The following GPC6 variants were observed in gnomAD, a reference collection of about 807,000 sequenced individuals.
The protein encoded by GPC6 is glypican 6, also known as glypican-6.
A neutral mutation model predicts 55.2 loss-of-function variants in GPC6; 14 were observed. The observed-to-expected ratio is 0.25, with a 90% CI of 0.17 to 0.40. The LOEUF (loss-of-function observed/expected upper bound fraction) is 0.40, where lower values mean the gene tolerates loss of function less well. GPC6 is among the 10% of genes least tolerant of loss of function. The pLI is 1.00. For missense variants in GPC6, 641 were observed against 708.5 expected (o/e 0.90, Z 1.08); for synonymous variants, 278 against 259.6 (o/e 1.07, Z -0.68).
intron 4 of GPC6, among the ~76,000 whole-genome samples, chr13:94,280,647 G>A (rs944965176): frequency 1.3e-5 from 2 of 152,116 alleles, no homozygotes; most frequent in Non-Finnish European, 2.9e-5. Context: ...GGGGGCCAAT[G>A]AGTGCATTTA....
intron 3 of GPC6, among the ~76,000 whole-genome samples, chr13:93,940,748 A>G (rs1878695356): frequency 6.6e-6 from 1 of 152,212 alleles, no homozygotes; most frequent in Non-Finnish European, 1.5e-5. Flanking sequence ...TCTAGGTAGA[A>G]TAAAAGTGTT....
At chr13:93,500,990 A>G (rs1266983345) in intron 1 of GPC6, among the ~76,000 whole-genome samples, 1 of 152,174 alleles carries the variant, frequency 6.6e-6, no homozygotes, top group Non-Finnish European at 1.5e-5. Flanking sequence ...ACTTTTTGTT[A>G]CTTTATGCAC....
intron 3 of GPC6, among the ~76,000 whole-genome samples, chr13:93,980,281 A>G (rs1243621319): frequency 6.6e-6 from 1 of 152,006 alleles, no homozygotes; most frequent in East Asian, 1.9e-4. Flanking sequence ...ATCAATGAAA[A>G]CCACCCTTAT....
chr13:93,416,863 G>A (rs1876720074), intron 1 of GPC6, among the ~76,000 whole-genome samples: 1 of 152,084 alleles, frequency 6.6e-6, no homozygotes, highest in African/African-American at 2.4e-5. Context: ...CCAGAGGCTT[G>A]ACAGCTAATA....
At chr13:93,899,144 C>T (rs1056028701) in intron 3 of GPC6, among the ~76,000 whole-genome samples, 6 of 151,620 alleles carry the variant, frequency 4.0e-5, no homozygotes, top group South Asian at 2.1e-4. Context: ...GTCAGTTATT[C>T]GGCCATTTAA....
chr13:93,810,644 G>T (rs762524108), intron 2 of GPC6, among the ~76,000 whole-genome samples: 4 of 152,172 alleles, frequency 2.6e-5, no homozygotes, highest in Non-Finnish European at 4.4e-5. Flanking sequence ...AATTCTGATA[G>T]ATCTGATTCA....
At chr13:93,875,723 A>G (rs1594546433) in intron 3 of GPC6, among the ~76,000 whole-genome samples, 1 of 152,042 alleles carries the variant, frequency 6.6e-6, no homozygotes, top group Non-Finnish European at 1.5e-5. Flanking sequence ...AATGATTCAT[A>G]TGGCATGGGA....
intron 4 of GPC6, among the ~76,000 whole-genome samples, chr13:94,068,773 A>C (rs1001277002): frequency 2.6e-5 from 4 of 152,184 alleles, no homozygotes; most frequent in African/African-American, 9.6e-5. Flanking sequence ...CTTTGACTCT[A>C]TGTCTCACAT....
intron 4 of GPC6, among the ~76,000 whole-genome samples, chr13:94,194,877 G>A (rs1294674613): frequency 6.6e-6 from 1 of 151,744 alleles, no homozygotes; most frequent in Non-Finnish European, 1.5e-5. Context: ...GTGTGTGTTT[G>A]TGTGTGTGTA....
rs1876088313 is a variant in GPC6 at position 93,232,305 on chromosome 13, A to G, written c.160+4689A>G. Among the ~76,000 whole-genome samples, 3 of 152,158 alleles carry G rather than the reference A, an allele frequency of 2.0e-5. No individual in the cohort carries two copies. In the South Asian group the frequency reaches 6.2e-4, roughly 32 times the overall value. ...GATTTCTTTAAAAGTTTTTGGAAGG[A>G]CAGTGTAAGTCACAAATGAGTGAGG... On this transcript the variant is annotated intron_variant, in intron 1 of 8. Coordinates refer to ENST00000377047, the MANE Select transcript of GPC6 (RefSeq NM_005708.5).
intron 2 of GPC6, among the ~76,000 whole-genome samples, chr13:93,588,787 C>T (rs748157789): frequency 6.6e-6 from 1 of 152,132 alleles, no homozygotes; most frequent in Non-Finnish European, 1.5e-5. Flanking sequence ...AAACACCAGG[C>T]CCCACCTCCA....
chr13:93,971,616 A>T (rs1406836941), intron 3 of GPC6, among the ~76,000 whole-genome samples: 1 of 152,226 alleles, frequency 6.6e-6, no homozygotes, highest in Non-Finnish European at 1.5e-5. Flanking sequence ...ACTATAGATC[A>T]ATGTGATGCT....
intron 2 of GPC6, among the ~76,000 whole-genome samples, chr13:93,753,918 A>C (rs1884682548): frequency 6.6e-6 from 1 of 152,164 alleles, no homozygotes; most frequent in African/African-American, 2.4e-5. Flanking sequence ...AAGCACTGGG[A>C]CCACAGATGT....
chr13:93,245,950 A>G (rs1876589697), intron 1 of GPC6, among the ~76,000 whole-genome samples: 1 of 152,178 alleles, frequency 6.6e-6, no homozygotes, highest in Non-Finnish European at 1.5e-5. Flanking sequence ...TAAATGGGAA[A>G]TGGGCAATGG....
chr13:93,457,437 TGTAG>T (rs541888555), intron 1 of GPC6, among the ~76,000 whole-genome samples: 3 of 152,164 alleles, frequency 2.0e-5, no homozygotes, highest in Non-Finnish European at 4.4e-5. Flanking sequence ...CAACAGATAA[TGTAG>T]GTTATTCTGT....
At chr13:93,365,398 A>C (rs951102403) in intron 1 of GPC6, among the ~76,000 whole-genome samples, 1 of 152,048 alleles carries the variant, frequency 6.6e-6, no homozygotes, top group East Asian at 1.9e-4. Context: ...TTACTTTTTC[A>C]ATGACCATAG....
chr13:93,559,848 G>A (rs1253869340), intron 2 of GPC6, among the ~76,000 whole-genome samples: 1 of 152,138 alleles, frequency 6.6e-6, no homozygotes, highest in Non-Finnish European at 1.5e-5. Context: ...AATGCATCAC[G>A]GGATGACTAA....
intron 3 of GPC6, among the ~76,000 whole-genome samples, chr13:93,863,853 G>A (rs1387244670): frequency 6.6e-6 from 1 of 151,666 alleles, no homozygotes; most frequent in Non-Finnish European, 1.5e-5. Context: ...CATTTGTGTT[G>A]CAAAAAGATA....
intron 1 of GPC6, among the ~76,000 whole-genome samples, chr13:93,229,948 A>G (rs1331231697): frequency 6.6e-6 from 1 of 152,134 alleles, no homozygotes; most frequent in African/African-American, 2.4e-5. Context: ...TTTAATAATC[A>G]CTTAGGAAAT....
Sources: gnomAD v4.1 joint callset for allele counts (sites outside exome capture counted in the v4.1 genomes callset) on GRCh38, gnomAD v4.1.1 for gene constraint, MANE v1.5 for transcripts, NCBI Gene and HGNC (gene_info 2026-07-23, HGNC 2026-07-21) for gene names.